Variants in PIN4 observed in about 807,000 individuals in gnomAD.
PIN4 encodes peptidyl-prolyl cis-trans isomerase NIMA-interacting 4.
In PIN4, 3 loss-of-function variants were observed where a neutral mutation model predicts 8.3. That is an observed-to-expected ratio of 0.36 (90% CI 0.16 to 0.93). The LOEUF (loss-of-function observed/expected upper bound fraction) is 0.93, where lower values mean the gene tolerates loss of function less well. Among genes scored for constraint, PIN4 ranks in the 40% least tolerant of loss-of-function variants. The probability of loss-of-function intolerance (pLI) is 0.44; values close to 1 mark genes in which losing one functional copy is unlikely to be tolerated. For synonymous variants in PIN4, 18 were observed against 32.5 expected, an observed-to-expected ratio of 0.55 and a Z score of 1.52; for missense variants, 75 against 100.6, an observed-to-expected ratio of 0.75 and a Z score of 1.09.
intron 3 of PIN4, chrX:72,238,852 A>C: frequency 1.7e-6 from 2 of 1,192,503 alleles, no homozygotes; most frequent in Non-Finnish European, 2.3e-6. Context: ...ACCTTAGGTA[A>C]TGAGCAGCCT....
At chrX:72,248,603 T>C (rs2147614688) in intron 3 of PIN4, among the ~76,000 whole-genome samples, 1 of 112,335 alleles carries the variant, frequency 8.9e-6, no homozygotes, top group Non-Finnish European at 1.9e-5. Flanking sequence ...CTCAGCCAGG[T>C]GCAGTGGCTC....
chrX:72,246,576 A>T (rs968612894), intron 3 of PIN4, among the ~76,000 whole-genome samples: 4 of 111,262 alleles, frequency 3.6e-5, no homozygotes, highest in African/African-American at 9.8e-5. Context: ...CTGGCCTCTG[A>T]CTACCTCTCT....
chrX:72,230,680 G>A (rs2042978313), intron 3 of PIN4, among the ~76,000 whole-genome samples: 3 of 111,835 alleles, frequency 2.7e-5, no homozygotes, highest in African/African-American at 9.8e-5. Context: ...TGGACATTCT[G>A]GGCTGGGCAT....
intron 3 of PIN4, among the ~76,000 whole-genome samples, chrX:72,230,521 C>T (rs2042977397): frequency 8.9e-6 from 1 of 112,538 alleles, no homozygotes; most frequent in Non-Finnish European, 1.9e-5. Context: ...CGGCCAGAAG[C>T]CCCTCTCAGG....
downstream of PIN4, chrX:72,198,406 A>G (rs2042777321): frequency 1.8e-6 from 1 of 570,248 alleles, no homozygotes; most frequent in Non-Finnish European, 2.1e-6. Context: ...ATTTGATATT[A>G]TACCCACTTA....
At chrX:72,224,252 A>G (rs1308114239) in intron 3 of PIN4, among the ~76,000 whole-genome samples, 4 of 111,433 alleles carry the variant, frequency 3.6e-5, no homozygotes, top group Non-Finnish European at 7.5e-5. Flanking sequence ...CTTCCATACA[A>G]AACACTGCCT....
At chrX:72,225,162 G>C (rs897320550) in intron 3 of PIN4, among the ~76,000 whole-genome samples, 1 of 111,560 alleles carries the variant, frequency 9.0e-6, no homozygotes, top group Non-Finnish European at 1.9e-5. Flanking sequence ...CCTCAAAGAT[G>C]CTTTTTTTAC....
At chrX:72,240,948 T>G (rs1384473982) in intron 3 of PIN4, among the ~76,000 whole-genome samples, 2 of 111,023 alleles carry the variant, frequency 1.8e-5, no homozygotes, top group East Asian at 2.8e-4. Flanking sequence ...CTCAGAGAGA[T>G]AAATTGACTT....
At chrX:72,223,032 A>G (rs1380506921) in intron 3 of PIN4, among the ~76,000 whole-genome samples, 1 of 107,647 alleles carries the variant, frequency 9.3e-6, no homozygotes, top group African/African-American at 3.4e-5. Flanking sequence ...TCCAGAAAAT[A>G]TTACAAAAAT....
chrX:72,239,477 C>T (rs919710203), intron 3 of PIN4, among the ~76,000 whole-genome samples: 4 of 112,128 alleles, frequency 3.6e-5, no homozygotes, highest in Admixed American at 2.8e-4. Flanking sequence ...TTTAAACTAA[C>T]ATTGAAGAAG....
rs148827686 is a variant in PIN4 at position 72,247,484 on chromosome X, C to T, written c.313-15223C>T. Among the ~76,000 whole-genome samples, 503 of 112,470 alleles carry T rather than the reference C, an allele frequency of 4.5e-3. 2 individuals are homozygous for T. Among genetic ancestry groups the T allele is most frequent in the African/African-American group, 0.015 (465 of 30,993 alleles). On this transcript the variant is annotated intron_variant, in intron 3 of 3. Transcript: ENST00000423432. ...CCTTCTGCAGCAGCAGAGAAACCCT[C>T]CCTACATAGCATGGGTGCCTCTCAC...
chrX:72,238,205 T>A (rs767462128), intron 3 of PIN4, among the ~76,000 whole-genome samples: 108 of 112,104 alleles, frequency 9.6e-4, no homozygotes, highest in Middle Eastern at 4.6e-3. Flanking sequence ...AAAGATAAAA[T>A]TTATGTTATG....
intron 3 of PIN4, chrX:72,239,012 C>T (rs2043035396): frequency 1.2e-6 from 1 of 835,811 alleles, no homozygotes; most frequent in Non-Finnish European, 1.7e-6. Context: ...ATTTCGCTCA[C>T]TCCCGCCCCG....
chrX:72,195,596 G>A (rs985370906), intron 2 of PIN4, among the ~76,000 whole-genome samples: 48 of 110,180 alleles, frequency 4.4e-4, no homozygotes, highest in African/African-American at 1.6e-3. Context: ...AGCCAAGATC[G>A]GGCCACTGCA....
At chrX:72,197,053 C>A in intron 3 of PIN4, 149 bp downstream of exon 3, 2 of 563,985 alleles carry the variant, frequency 3.5e-6, no homozygotes, top group Non-Finnish European at 5.4e-6. Context: ...TTGGTTGTAG[C>A]GATATTTTGG....
rs140453884 is a variant in PIN4 at position 72,205,417 on chromosome X, C to A, written c.312+8513C>A. 12 of 1,210,607 alleles carry A rather than the reference C, an allele frequency of 9.9e-6. No homozygotes were observed. In the African/African-American group the frequency reaches 1.7e-4, roughly 18 times the overall value. ...ATCTTCAGGACCCTTTGCTTCACTG[C>A]TGTCGTCAAGTCTTTCCTCCATGTC... is the stretch of plus-strand genomic sequence containing the variant. On this transcript the variant is annotated intron_variant, in intron 3 of 3. Coordinates refer to the PIN4 transcript ENST00000423432.
In PIN4 at chrX:72,196,915, CTTA is replaced by C. The variant is rs760353338; in HGVS notation, c.237+17_237+19del. 14 of 1,150,162 alleles carry C rather than the reference CTTA, an allele frequency of 1.2e-5. No individual in the cohort carries two copies. The highest frequency in any genetic ancestry group is 2.8e-4 in the Middle Eastern group (1 of 3,539). 94.8% of individuals were successfully genotyped at this position (1,150,162 alleles called of 1,213,427 possible). On this transcript the variant is annotated intron_variant, in intron 3 of 3. Coordinates refer to ENST00000373669, the MANE Select transcript of PIN4 (RefSeq NM_006223.4). Reference sequence around the variant, plus strand: ...AAAGCCAGGCAAGGGGTATGTTGCTCTTATTATTTATAATTTTCTCTCAAGGTA... The same window carrying C: ...AAAGCCAGGCAAGGGGTATGTTGCTCTTATTTATAATTTTCTCTCAAGGTA...
In PIN4 at chrX:72,212,587, C is replaced by T. The variant is rs145023846; in HGVS notation, c.312+15683C>T. 3.5e-3 allele frequency among the ~76,000 whole-genome samples: 392 copies of T among 112,185 alleles called. 2 individuals are homozygous for T. Among genetic ancestry groups the T allele is most frequent in the African/African-American group, 0.012 (376 of 30,875 alleles). On this transcript the variant is annotated intron_variant, in intron 3 of 3. Coordinates refer to the PIN4 transcript ENST00000423432. ...ACAAGCTTAAGTTGCAGAAGACACA[C>T]ACTTGATTTTCCTTGCTATGGAGGG...
In PIN4 at chrX:72,214,070, T is replaced by C. The variant is rs1028291499; in HGVS notation, c.312+17166T>C. ...CAAAATCAATAAAACATAAAACATT[T>C]GGATAACATAAAAATTGCAGGTGAC... On this transcript the variant is annotated intron_variant, in intron 3 of 3. Coordinates refer to the PIN4 transcript ENST00000423432. Among the ~76,000 whole-genome samples, 4 of 112,077 alleles carry C rather than the reference T, an allele frequency of 3.6e-5. No individual in the cohort carries two copies. In the Admixed American group the frequency reaches 3.8e-4, roughly 11 times the overall value.
Sources: gnomAD v4.1 joint callset for allele counts (sites outside exome capture counted in the v4.1 genomes callset) on GRCh38, gnomAD v4.1.1 for gene constraint, MANE v1.5 for transcripts, NCBI Gene and HGNC (gene_info 2026-07-23, HGNC 2026-07-21) for gene names.